PLAG1: variants seen among roughly 807,000 people sequenced by gnomAD.
PLAG1 encodes zinc finger protein PLAG1.
Under a neutral mutation model 35.5 loss-of-function variants are expected in PLAG1, and 7 were observed. The ratio of observed to expected loss-of-function variants is 0.20; its 90% CI spans 0.11 to 0.37. The LOEUF (loss-of-function observed/expected upper bound fraction) is 0.37, where lower values mean the gene tolerates loss of function less well. PLAG1 is among the 10% of genes least tolerant of loss of function. PLAG1 has a pLI of 1.00. For synonymous variants in PLAG1, 229 were observed against 225.4 expected (o/e 1.02, Z -0.14); for missense variants, 454 against 602.8 (o/e 0.75, Z 2.58).
chr8:56,190,601 T>C (rs1352918497), intron 1 of PLAG1, among the ~76,000 whole-genome samples: 2 of 152,108 alleles, frequency 1.3e-5, no homozygotes, highest in African/African-American at 4.8e-5. Context: ...AGAAATGCTA[T>C]CAGCTGAAGG....
intron 1 of PLAG1, among the ~76,000 whole-genome samples, chr8:56,196,851 G>A (rs1438901340): frequency 6.6e-6 from 1 of 151,752 alleles, no homozygotes; most frequent in Admixed American, 6.5e-5. Context: ...CAGATGCGTG[G>A]GGGTGTGCAT....
In PLAG1 at chr8:56,163,210, CTTTTTTT is replaced by C. The variant is rs34779318; in HGVS notation, c.*3026_*3032del. 119 of 97,230 alleles carry C rather than the reference CTTTTTTT, an allele frequency of 1.2e-3. No individual in the cohort carries two copies. Among genetic ancestry groups the C allele is most frequent in the African/African-American group, 3.7e-3 (73 of 19,938 alleles). The allele number at this position is 97,230 out of a possible 1,614,324, so 6.0% of individuals were successfully genotyped here. On this transcript the variant is annotated 3_prime_UTR_variant, in exon 5 of 5. Transcript: ENST00000316981. ...AACTACTTTTATTTAATGTTAATCC[CTTTTTTT>C]TTTTTTTTTTTTTTTTTTTAACCAA...
rs1399234079 is a variant in PLAG1, at chr8:56,163,862, A to G, written c.*2381T>C. 5.4e-6 allele frequency: 1 copy of G among 185,960 alleles called. No homozygotes were observed. Among genetic ancestry groups the G allele is most frequent in the Non-Finnish European group, 1.1e-5 (1 of 87,562 alleles). 11.5% of individuals were successfully genotyped at this position (185,960 alleles called of 1,614,324 possible). A position where few individuals can be genotyped will look rare whatever the true frequency, so the allele number is the denominator to read the frequency against. Reference sequence around the variant, plus strand: ...CTTAAGTACATTTTAAACAGAATAAAGTAGTGCTTCCACACTTGCTATTTG... The same window carrying G: ...CTTAAGTACATTTTAAACAGAATAAGGTAGTGCTTCCACACTTGCTATTTG... On this transcript the variant is annotated 3_prime_UTR_variant, in exon 5 of 5. Transcript: ENST00000316981.
chr8:56,169,801 C>T (rs537712151), intron 3 of PLAG1, among the ~76,000 whole-genome samples: 1 of 152,352 alleles, frequency 6.6e-6, no homozygotes, highest in Non-Finnish European at 1.5e-5. Flanking sequence ...GTCTCAGCCT[C>T]TCAACATGCT....
rs762239914 is a variant in PLAG1 at position 56,166,537 on chromosome 8, G to A, written c.1209C>T (p.Ser403=). Residue 403 remains serine (S), a synonymous_variant, in exon 5 of 5, where the codon AGC becomes AGT. Coordinates refer to ENST00000316981, the MANE Select transcript of PLAG1 (RefSeq NM_002655.3). The part of the protein sequence containing the change: ...DGAGDLSLSK[S]SISISDPLNT... Reference sequence around the variant, plus strand: ...TTAGGGGGTCACTGATGGAGATAGAGCTTTTGGATAGGGAGAGGTCTCCTG... The same window carrying A: ...TTAGGGGGTCACTGATGGAGATAGAACTTTTGGATAGGGAGAGGTCTCCTG... 3.1e-6 allele frequency: 5 copies of A among 1,614,028 alleles called. No individual in the cohort carries two copies. Among genetic ancestry groups the A allele is most frequent in the Non-Finnish European group, 4.2e-6 (5 of 1,179,928 alleles).
chr8:56,200,317 C>T (rs1368407754), intron 1 of PLAG1, among the ~76,000 whole-genome samples: 2 of 152,178 alleles, frequency 1.3e-5, no homozygotes, highest in Non-Finnish European at 2.9e-5. Flanking sequence ...AAGGTGGTTC[C>T]ATGACTAAGG....
At chr8:56,208,570 A>G (rs1371416917) in intron 1 of PLAG1, among the ~76,000 whole-genome samples, 1 of 152,198 alleles carries the variant, frequency 6.6e-6, no homozygotes, top group African/African-American at 2.4e-5. Flanking sequence ...GCAAGAAAAA[A>G]CATTCTATAT....
chr8:56,201,378 C>T (rs369551913), intron 1 of PLAG1, among the ~76,000 whole-genome samples: 1 of 152,244 alleles, frequency 6.6e-6, no homozygotes, highest in East Asian at 1.9e-4. Context: ...AATAAAATTA[C>T]CTATTTAAGA....
At chr8:56,182,214 A>T (rs1049135694) in intron 1 of PLAG1, among the ~76,000 whole-genome samples, 2 of 152,214 alleles carry the variant, frequency 1.3e-5, no homozygotes, top group African/African-American at 4.8e-5. Flanking sequence ...GACACAGAAG[A>T]TATGTGTTGG....
Position 56,163,669 on chromosome 8 carries a change from G to C in PLAG1, c.*2574C>G. On this transcript the variant is annotated 3_prime_UTR_variant, in exon 5 of 5. Coordinates refer to ENST00000316981, the MANE Select transcript of PLAG1 (RefSeq NM_002655.3). ...GGGCAAGATTTAAGTATGTGTGTGT[G>C]TGTGTATATATACACACACACACAC... 5.3e-6 allele frequency: 1 copy of C among 190,236 alleles called. No individual in the cohort carries two copies. Among genetic ancestry groups the C allele is most frequent in the Non-Finnish European group, 1.1e-5 (1 of 90,898 alleles). 11.8% of individuals were successfully genotyped at this position (190,236 alleles called of 1,614,324 possible). A position where few individuals can be genotyped will look rare whatever the true frequency, so the allele number is the denominator to read the frequency against.
chr8:56,200,424 G>A (rs149689448), intron 1 of PLAG1, among the ~76,000 whole-genome samples: 7 of 152,322 alleles, frequency 4.6e-5, no homozygotes, highest in East Asian at 1.9e-4. Flanking sequence ...TGCGTGCAGC[G>A]GGCCCCGCTT....
chr8:56,188,537 G>A (rs1585804523), intron 1 of PLAG1, among the ~76,000 whole-genome samples: 1 of 152,298 alleles, frequency 6.6e-6, no homozygotes, highest in African/African-American at 2.4e-5. Context: ...CTTTAGCACA[G>A]ACACAGTGTA....
At chr8:56,209,732 A>G (rs551189524) in intron 1 of PLAG1, among the ~76,000 whole-genome samples, 25 of 152,216 alleles carry the variant, frequency 1.6e-4, no homozygotes, top group Admixed American at 1.2e-3. Context: ...CCCTCCCCAA[A>G]AGGTACTCCA....
At position 56,167,438 on chromosome 8, in the gene PLAG1, C is replaced by T. The variant is rs1183079790; in HGVS notation, c.308G>A (p.Arg103Gln). The change falls in exon 5 of 5, where the codon CGG becomes CAG. Residue 103 changes from arginine (R) to glutamine (Q), a missense_variant. Transcript: ENST00000316981. The surrounding 1 kb of genome is among the most constrained non-coding windows in gnomAD (Gnocchi z 5.9). ...GAGGTGATTCTTCAGATGATCTTTC[C>T]GGTGAAACATTTTCTCACAATAATT... The part of the protein sequence containing the change: ...KCNYCEKMFH[R>Q]KDHLKNHLHT... 2 of 1,612,866 alleles carry T rather than the reference C, an allele frequency of 1.2e-6. No individual in the cohort carries two copies. The highest frequency in any genetic ancestry group is 8.5e-7 in the Non-Finnish European group (1 of 1,179,274).
intron 1 of PLAG1, among the ~76,000 whole-genome samples, chr8:56,190,583 C>T (rs945258582): frequency 1.3e-5 from 2 of 152,136 alleles, no homozygotes; most frequent in African/African-American, 2.4e-5. Flanking sequence ...GTCCACATTC[C>T]TCTTTGGAGA....
At chr8:56,210,123 T>C (rs1159294957) in intron 1 of PLAG1, among the ~76,000 whole-genome samples, 1 of 152,172 alleles carries the variant, frequency 6.6e-6, no homozygotes, top group Non-Finnish European at 1.5e-5. Flanking sequence ...GGTTGAGTTA[T>C]AAAAGGCTTT....
At chr8:56,202,239 A>C (rs570278138) in intron 1 of PLAG1, among the ~76,000 whole-genome samples, 60 of 152,360 alleles carry the variant, frequency 3.9e-4, no homozygotes, top group African/African-American at 1.3e-3. Context: ...AGATTTTAGT[A>C]CAGCATTAAA....
intron 1 of PLAG1, among the ~76,000 whole-genome samples, chr8:56,195,199 G>A (rs1236158573): frequency 6.6e-6 from 1 of 152,136 alleles, no homozygotes; most frequent in Non-Finnish European, 1.5e-5. Flanking sequence ...TTGACCACTT[G>A]AATGGAACCA....
chr8:56,190,444 C>T (rs1812149447), intron 1 of PLAG1, among the ~76,000 whole-genome samples: 1 of 152,156 alleles, frequency 6.6e-6, no homozygotes, highest in South Asian at 2.1e-4. Context: ...AAGGACTAAA[C>T]CCTACTTCCT....
Sources: allele counts gnomAD v4.1 joint callset (sites outside exome capture counted in the v4.1 genomes callset), GRCh38; gene constraint gnomAD v4.1.1; non-coding constraint Gnocchi (gnomAD v3.1); transcripts MANE v1.5; gene names NCBI Gene and HGNC (gene_info 2026-07-23, HGNC 2026-07-21).